CAMK1D: variants seen among roughly 807,000 people sequenced by gnomAD.
CAMK1D encodes the protein calcium/calmodulin-dependent protein kinase type 1D.
CAMK1D carries 9 observed loss-of-function variants against 47.7 expected under a neutral mutation model. The ratio of observed to expected loss-of-function variants is 0.19; its 90% CI spans 0.11 to 0.33. The LOEUF is 0.33. CAMK1D is among the 10% of genes least tolerant of loss of function. The pLI, the probability that CAMK1D is intolerant of heterozygous loss-of-function variation, is 1.00. For synonymous variants in CAMK1D, 184 were observed against 184.9 expected (o/e 0.99, Z 0.04); for missense variants, 291 against 488.7 (o/e 0.60, Z 3.81).
At chr10:12,553,633 A>T (rs1265276149) in intron 2 of CAMK1D, among the ~76,000 whole-genome samples, 1 of 152,172 alleles carries the variant, frequency 6.6e-6, no homozygotes, top group Non-Finnish European at 1.5e-5. Context: ...ACCATATCCG[A>T]GTGACCGTGG....
intron 1 of CAMK1D, among the ~76,000 whole-genome samples, chr10:12,393,276 A>C (rs1260682974): frequency 2.0e-5 from 3 of 151,988 alleles, no homozygotes; most frequent in South Asian, 2.1e-4. Flanking sequence ...TGTGATCCGC[A>C]CGCCTCGGCC....
chr10:12,590,732 G>A (rs1837971678), intron 2 of CAMK1D, among the ~76,000 whole-genome samples: 1 of 152,220 alleles, frequency 6.6e-6, no homozygotes, highest in Non-Finnish European at 1.5e-5. Flanking sequence ...AGCCATCCAT[G>A]ATTAGAATCA....
At chr10:12,725,312 G>A (rs770578753) in intron 3 of CAMK1D, 7 of 155,642 alleles carry the variant, frequency 4.5e-5, no homozygotes, top group Non-Finnish European at 1.0e-4. Context: ...AAAATGAAAA[G>A]TAATGGCAAA....
chr10:12,369,955 CAAA>C (rs577405105), intron 1 of CAMK1D, among the ~76,000 whole-genome samples: 1 of 115,496 alleles, frequency 8.7e-6, no homozygotes. Context: ...GACTCTGTCT[CAAA>C]AAAAAAAAAG....
chr10:12,741,164 A>G (rs1179854403), intron 3 of CAMK1D, among the ~76,000 whole-genome samples: 2 of 152,230 alleles, frequency 1.3e-5, no homozygotes, highest in Non-Finnish European at 2.9e-5. Context: ...TATTAAATGA[A>G]GGAAACGCAT....
intron 1 of CAMK1D, among the ~76,000 whole-genome samples, chr10:12,413,483 GTGATGATGGCGATGATGACAGTGGTGA>G (rs1375451819): frequency 1.5e-5 from 1 of 66,544 alleles, no homozygotes; most frequent in African/African-American, 5.5e-5. Context: ...TGTATGTTTT[GTGATGATGGCGATGATGACAGTGGTGA>G]TGATGATGGT....
intron 2 of CAMK1D, among the ~76,000 whole-genome samples, chr10:12,627,033 A>G (rs1287753811): frequency 1.3e-5 from 2 of 150,618 alleles, no homozygotes; most frequent in Non-Finnish European, 3.0e-5. Flanking sequence ...CTTTGTAGTT[A>G]CTGATTACCT....
chr10:12,709,734 G>A (rs1350831425), intron 3 of CAMK1D, among the ~76,000 whole-genome samples: 1 of 152,114 alleles, frequency 6.6e-6, no homozygotes, highest in Non-Finnish European at 1.5e-5. Flanking sequence ...TTTACTTACT[G>A]CCTCGGGAAA....
chr10:12,534,514 G>A (rs1007623748), intron 1 of CAMK1D, among the ~76,000 whole-genome samples: 18 of 152,124 alleles, frequency 1.2e-4, no homozygotes, highest in Non-Finnish European at 2.2e-4. Flanking sequence ...TTACATGCAT[G>A]TGCCACCACG....
At chr10:12,479,665 G>T (rs575862658) in intron 1 of CAMK1D, among the ~76,000 whole-genome samples, 2 of 152,204 alleles carry the variant, frequency 1.3e-5, no homozygotes, top group African/African-American at 4.8e-5. Flanking sequence ...GGCCTTTAGA[G>T]TATGTACAGC....
chr10:12,658,676 C>T (rs1840187170), intron 2 of CAMK1D, among the ~76,000 whole-genome samples: 1 of 152,110 alleles, frequency 6.6e-6, no homozygotes, highest in Non-Finnish European at 1.5e-5. Context: ...CCACAGGCAG[C>T]AGAAGACACC....
intron 1 of CAMK1D, among the ~76,000 whole-genome samples, chr10:12,546,763 G>A (rs1326380401): frequency 1.4e-5 from 2 of 145,872 alleles, no homozygotes; most frequent in East Asian, 4.1e-4. Context: ...TGAACAATGA[G>A]AACACATGGA....
At chr10:12,479,871 G>A (rs927730673) in intron 1 of CAMK1D, among the ~76,000 whole-genome samples, 8 of 152,256 alleles carry the variant, frequency 5.3e-5, no homozygotes, top group South Asian at 2.1e-4. Flanking sequence ...CCACTATAAC[G>A]CAGTCTGCTG....
intron 1 of CAMK1D, among the ~76,000 whole-genome samples, chr10:12,466,138 T>C (rs1258763069): frequency 6.7e-6 from 1 of 149,866 alleles, no homozygotes; most frequent in Non-Finnish European, 1.5e-5. Context: ...GGCAACATAG[T>C]GAGACACCGT....
intron 1 of CAMK1D, among the ~76,000 whole-genome samples, chr10:12,439,923 C>T (rs1487800937): frequency 6.6e-6 from 1 of 152,162 alleles, no homozygotes; most frequent in Non-Finnish European, 1.5e-5. Flanking sequence ...GAATGAGAAC[C>T]AGGTGAAAAC....
At chr10:12,468,661 G>A (rs922480532) in intron 1 of CAMK1D, among the ~76,000 whole-genome samples, 1 of 152,176 alleles carries the variant, frequency 6.6e-6, no homozygotes, top group African/African-American at 2.4e-5. Context: ...TCTGGTGGGG[G>A]CCCTTTGTGC....
At chr10:12,814,350 C>A (rs749507848) in intron 7 of CAMK1D, 43 bp downstream of exon 7, 1 of 1,260,408 alleles carries the variant, frequency 7.9e-7, no homozygotes, top group Non-Finnish European at 1.2e-6. Context: ...GCCCCCGCGA[C>A]ACTTACACCC....
At chr10:12,610,899 G>A (rs1347717924) in intron 2 of CAMK1D, among the ~76,000 whole-genome samples, 4 of 152,162 alleles carry the variant, frequency 2.6e-5, no homozygotes. Context: ...TGTTCTGTGA[G>A]TTTAGTTAAC....
chr10:12,553,404 T>C (rs780157660), intron 2 of CAMK1D, 48 bp downstream of exon 2: 1 of 1,494,802 alleles, frequency 6.7e-7, no homozygotes, highest in Non-Finnish European at 9.3e-7. Flanking sequence ...TCCTGGCCCG[T>C]GTGTCCTGCA....
Sources: gnomAD v4.1 joint callset for allele counts (sites outside exome capture counted in the v4.1 genomes callset) on GRCh38, gnomAD v4.1.1 for gene constraint, MANE v1.5 for transcripts, NCBI Gene and HGNC (gene_info 2026-07-23, HGNC 2026-07-21) for gene names.